The following TMEM62 variants were observed in gnomAD, a reference collection of about 807,000 sequenced individuals.
TMEM62 encodes transmembrane protein 62.
In TMEM62, 41 loss-of-function variants were observed where a neutral mutation model predicts 70.4. The observed-to-expected ratio is 0.58, with a 90% CI of 0.45 to 0.76. TMEM62 has a LOEUF of 0.76. Ranked by LOEUF, TMEM62 falls within the 30% of genes least tolerant of loss-of-function variation. TMEM62 has a pLI of 0.00. For missense variants in TMEM62, 688 were observed against 788.5 expected, an observed-to-expected ratio of 0.87 and a Z score of 1.53; for synonymous variants, 268 against 291.0, an observed-to-expected ratio of 0.92 and a Z score of 0.80.
In TMEM62 at chr15:43,133,598, A is replaced by G. The variant is rs1328550100; in HGVS notation, c.-205A>G. 11 of 378,418 alleles carry G rather than the reference A, an allele frequency of 2.9e-5. No individual in the cohort carries two copies. The highest frequency in any genetic ancestry group is 4.2e-5 in the African/African-American group (2 of 47,760). 23.4% of individuals were successfully genotyped at this position (378,418 alleles called of 1,614,324 possible). On this transcript the variant is annotated 5_prime_UTR_variant, in exon 1 of 14. Transcript: ENST00000260403. ...AACGAGCCCAGTCACTTGCGCGGCC[A>G]GAGAGGGGCAGGTGCTGGGCGGCGG...
In TMEM62 at chr15:43,160,657, C is replaced by T. The variant is rs1402763684; in HGVS notation, c.1183-24C>T. The T allele has an allele frequency of 5.9e-6, 8 of 1,347,012 alleles. 1 individual carries two copies. The highest frequency in any genetic ancestry group is 5.0e-5 in the South Asian group (4 of 80,358). The allele number at this position is 1,347,012 out of a possible 1,614,324, so 83.4% of individuals were successfully genotyped here. On this transcript the variant is annotated intron_variant, in intron 9 of 13. Transcript: ENST00000260403. The stretch of plus-strand genomic sequence containing the variant: ...AATATTTCCATGTACATGAAAGTTA[C>T]TTTTCTTCTGTGGTTATTACTAGGA...
At chr15:43,140,513 A>G (rs1486912302) in intron 4 of TMEM62, among the ~76,000 whole-genome samples, 1 of 151,982 alleles carries the variant, frequency 6.6e-6, no homozygotes, top group African/African-American at 2.4e-5. Context: ...TCCCTCTCCC[A>G]TCTCCAGCAG....
rs2041627429 is a variant in TMEM62 at position 43,183,865 on chromosome 15, TCAAA to T, written c.1606-390_1606-387del. Among the ~76,000 whole-genome samples, 4 of 152,212 alleles carry T rather than the reference TCAAA, an allele frequency of 2.6e-5. No individual in the cohort carries two copies. The South Asian group carries it at 8.3e-4, about 32-fold the overall frequency. On this transcript the variant is annotated intron_variant, in intron 13 of 13. Transcript: ENST00000260403. Reference sequence around the variant, plus strand: ...ATATTCCAGTACTTATCATGCTACCTCAAACAAAAATGGAGGTAAGAAAAAAAAT... The same window carrying T: ...ATATTCCAGTACTTATCATGCTACCTCAAAAATGGAGGTAAGAAAAAAAAT...
rs553417009 is a variant in TMEM62 at position 43,148,987 on chromosome 15, G to A, written c.744-42G>A. 4.7e-5 allele frequency: 76 copies of A among 1,610,720 alleles called. No individual in the cohort carries two copies. In the South Asian group the frequency reaches 6.7e-4, roughly 14 times the overall value. On this transcript the variant is annotated intron_variant, in intron 6 of 13. Transcript: ENST00000260403. ...CATTTTTATTAGTTTGGCCTCACGC[G>A]TTATCTTTGTTCATTTATTTCATTT...
chr15:43,148,496 C>T (rs531082252), intron 5 of TMEM62, among the ~76,000 whole-genome samples: 5 of 152,264 alleles, frequency 3.3e-5, no homozygotes, highest in South Asian at 2.1e-4. Context: ...GACTTCATTT[C>T]GCAGTTTCCT....
At chr15:43,169,456 C>G (rs2039956935) in intron 10 of TMEM62, 137 bp from the exon 11 acceptor site, 1 of 705,360 alleles carries the variant, frequency 1.4e-6, no homozygotes, top group Non-Finnish European at 2.4e-6. Flanking sequence ...CCAGTGGGGA[C>G]AAAGACCAAA....
intron 9 of TMEM62, among the ~76,000 whole-genome samples, chr15:43,159,116 G>GTACA (rs1322483640): frequency 2.0e-5 from 3 of 151,998 alleles, no homozygotes; most frequent in African/African-American, 7.2e-5. Flanking sequence ...CTTTTTGTGA[G>GTACA]TACATAGTAG....
intron 4 of TMEM62, among the ~76,000 whole-genome samples, chr15:43,143,224 G>T (rs917635586): frequency 3.9e-5 from 6 of 152,262 alleles, no homozygotes; most frequent in South Asian, 4.1e-4. Flanking sequence ...ACCATGCCTG[G>T]ATAATTTTTG....
At chr15:43,136,030 C>T (rs1197829644) in intron 3 of TMEM62, among the ~76,000 whole-genome samples, 1 of 152,082 alleles carries the variant, frequency 6.6e-6, no homozygotes, top group Non-Finnish European at 1.5e-5. Flanking sequence ...CCTCCCCCTG[C>T]CCCCATCCCC....
chr15:43,134,230 T>C (rs1319475626), intron 1 of TMEM62, 27 bp from the exon 2 acceptor site: 1 of 1,607,204 alleles, frequency 6.2e-7, no homozygotes, highest in African/African-American at 1.3e-5. Flanking sequence ...GGCTCAGATC[T>C]CTCTGTTCAA....
At chr15:43,167,379 T>C (rs1458867688) in intron 10 of TMEM62, among the ~76,000 whole-genome samples, 11 of 145,966 alleles carry the variant, frequency 7.5e-5, no homozygotes, top group African/African-American at 1.8e-4. Context: ...GGGCGGCTGC[T>C]GGGCTGAGGG....
chr15:43,169,500 C>A, intron 10 of TMEM62, 93 bp from the exon 11 acceptor site: 2 of 1,063,256 alleles, frequency 1.9e-6, no homozygotes, highest in East Asian at 2.4e-5. Flanking sequence ...ATCACAGATG[C>A]CATTTCCATT....
In TMEM62 at chr15:43,154,836, G is replaced by T. The variant is rs199790238; in HGVS notation, c.1182+5G>T. ...AACATAGAAGTAATCGTCCAGGTAA[G>T]TTAGTAATTTATATTTACTATGTAA... On this transcript the variant is annotated splice_donor_5th_base_variant and intron_variant, in intron 9 of 13. Coordinates refer to ENST00000260403, the MANE Select transcript of TMEM62 (RefSeq NM_024956.4). 1 of 1,589,114 alleles carries T rather than the reference G, an allele frequency of 6.3e-7. No individual in the cohort carries two copies. The highest frequency in any genetic ancestry group is 8.5e-7 in the Non-Finnish European group (1 of 1,169,998).
chr15:43,170,583 T>G (rs1008005310), intron 11 of TMEM62, among the ~76,000 whole-genome samples: 1 of 151,680 alleles, frequency 6.6e-6, no homozygotes, highest in Non-Finnish European at 1.5e-5. Context: ...AAAAAAAAAC[T>G]AATAAGGATA....
intron 1 of TMEM62, 97 bp downstream of exon 1, chr15:43,134,079 A>G: frequency 7.0e-7 from 1 of 1,434,118 alleles, no homozygotes; most frequent in Non-Finnish European, 9.1e-7. Flanking sequence ...CAGGCTGGGG[A>G]CCTCAGTCAG....
At chr15:43,183,126 T>G (rs1295432971) in intron 13 of TMEM62, among the ~76,000 whole-genome samples, 3 of 152,234 alleles carry the variant, frequency 2.0e-5, no homozygotes, top group African/African-American at 7.2e-5. Flanking sequence ...TTCTCCAAGA[T>G]GTATCCTCAA....
chr15:43,133,883 C>A lies in TMEM62; in HGVS notation c.81C>A (p.Gly27=). 1 of 1,500,624 alleles carries A rather than the reference C, an allele frequency of 6.7e-7. No homozygotes were observed. The highest frequency in any genetic ancestry group is 1.2e-5 in the South Asian group (1 of 80,002). The allele number at this position is 1,500,624 out of a possible 1,614,324, so 93.0% of individuals were successfully genotyped here. A position where few individuals can be genotyped will look rare whatever the true frequency, so the allele number is the denominator to read the frequency against. The part of the protein sequence containing the change: ...ALVAMLLEHY[G]LAGQPSPLPR... ...TGGCCATGCTCTTGGAGCACTACGG[C>A]CTGGCGGGCCAGCCCTCGCCGCTGC... Residue 27 remains glycine, a synonymous_variant, in exon 1 of 14, where the codon GGC becomes GGA. Coordinates refer to ENST00000260403, the MANE Select transcript of TMEM62 (RefSeq NM_024956.4).
intron 10 of TMEM62, among the ~76,000 whole-genome samples, chr15:43,161,632 A>T (rs1006824821): frequency 6.6e-6 from 1 of 151,922 alleles, no homozygotes; most frequent in Non-Finnish European, 1.5e-5. Flanking sequence ...GTGTGTGTGT[A>T]TATATGTATT....
chr15:43,137,202 G>T (rs1000020246), intron 3 of TMEM62, among the ~76,000 whole-genome samples: 3 of 152,144 alleles, frequency 2.0e-5, no homozygotes, highest in African/African-American at 7.2e-5. Flanking sequence ...GATTTATAAA[G>T]GTTGACTTTT....
Sources: gnomAD v4.1 joint callset for allele counts (sites outside exome capture counted in the v4.1 genomes callset) on GRCh38, gnomAD v4.1.1 for gene constraint, MANE v1.5 for transcripts, NCBI Gene and HGNC (gene_info 2026-07-23, HGNC 2026-07-21) for gene names.